Variants in DPEP1 observed in about 807,000 individuals in gnomAD.
DPEP1 encodes the protein beta-lactamase.
DPEP1 carries 50 observed loss-of-function variants against 42.3 expected under a neutral mutation model. The ratio of observed to expected loss-of-function variants is 1.18; its 90% CI spans 0.94 to 1.50. DPEP1 has a LOEUF of 1.50. Ranked by LOEUF, DPEP1 falls within the 40% of genes most tolerant of loss-of-function variation. The probability of loss-of-function intolerance (pLI) is 0.00; values close to 1 mark genes in which losing one functional copy is unlikely to be tolerated. For missense variants in DPEP1, 663 were observed against 553.0 expected, an observed-to-expected ratio of 1.20 and a Z score of -1.99; for synonymous variants, 297 against 234.0, an observed-to-expected ratio of 1.27 and a Z score of -2.46.
Position 89,614,370 on chromosome 16 carries a change from G to A in DPEP1, c.-107+651G>A, listed in dbSNP as rs545982835. On this transcript the variant is annotated intron_variant, in intron 1 of 10. Coordinates refer to ENST00000690203, the MANE Select transcript of DPEP1 (RefSeq NM_001389466.1). The stretch of plus-strand genomic sequence containing the variant: ...AGTTCTCAGAGGCTGTGTGAGGAGC[G>A]CCGAGTCCCCGGACTTACTCTCTGT... 4.6e-5 allele frequency among the ~76,000 whole-genome samples: 7 copies of A among 152,292 alleles called. No homozygotes were observed. In the East Asian group the frequency reaches 7.7e-4, roughly 17 times the overall value.
At chr16:89,623,885 A>G (rs1301347147) in intron 1 of DPEP1, among the ~76,000 whole-genome samples, 1 of 152,026 alleles carries the variant, frequency 6.6e-6, no homozygotes, top group African/African-American at 2.4e-5. Context: ...AGGGAGTGAA[A>G]AAGCCTCACA....
intron 1 of DPEP1, among the ~76,000 whole-genome samples, chr16:89,625,010 C>G (rs761483099): frequency 4.6e-5 from 7 of 151,776 alleles, no homozygotes; most frequent in South Asian, 2.1e-4. Context: ...GGGGGCTGTA[C>G]GAGAGCAGCC....
Position 89,638,064 on chromosome 16 carries a change from ACACAGGCTCCCGAGGAGGAGCC to A in DPEP1, c.1081_1102del (p.Gln361SerfsTer109), listed in dbSNP as rs1196411610. On this transcript the variant is annotated frameshift_variant, in exon 11 of 11. Transcript: ENST00000690203. LOFTEE classifies it low-confidence loss of function (END_TRUNC). Reference sequence around the variant, plus strand: ...TGTCTGTCCCCAGGCCAGCAACCTCACACAGGCTCCCGAGGAGGAGCCCATCCCGCTGGACCAGCTGGGTGGC... The same window carrying A: ...TGTCTGTCCCCAGGCCAGCAACCTCACATCCCGCTGGACCAGCTGGGTGGC... The A allele has an allele frequency of 6.2e-7, 1 of 1,612,238 alleles. No individual in the cohort carries two copies. The highest frequency in any genetic ancestry group is 8.5e-7 in the Non-Finnish European group (1 of 1,179,798).
chr16:89,626,691 C>CT (rs1555630401), intron 1 of DPEP1, among the ~76,000 whole-genome samples: 1 of 151,766 alleles, frequency 6.6e-6, no homozygotes, highest in Non-Finnish European at 1.5e-5. Flanking sequence ...CAGTCCCCCC[C>CT]TCAAACTCTC....
intron 4 of DPEP1, 65 bp from the exon 5 acceptor site, chr16:89,636,468 G>T: frequency 6.3e-7 from 1 of 1,596,614 alleles, no homozygotes; most frequent in Non-Finnish European, 8.5e-7. Flanking sequence ...AGCAGGTGCC[G>T]GTCAGGACAC....
At chr16:89,620,784 T>TCGGGGAG (rs746518619) in intron 1 of DPEP1, 13 of 151,984 alleles carry the variant, frequency 8.6e-5, no homozygotes, top group African/African-American at 2.9e-4. Context: ...ATGGTGAGTC[T>TCGGGGAG]CGGGGAGCGG....
At chr16:89,632,621 T>C (rs939487162) in intron 2 of DPEP1, among the ~76,000 whole-genome samples, 4 of 152,100 alleles carry the variant, frequency 2.6e-5, no homozygotes, top group African/African-American at 7.2e-5. Flanking sequence ...ATATCCCAGC[T>C]AAGGGCATTG....
intron 1 of DPEP1, among the ~76,000 whole-genome samples, chr16:89,628,400 G>A (rs1428065743): frequency 1.3e-5 from 2 of 151,154 alleles, no homozygotes; most frequent in African/African-American, 4.9e-5. Flanking sequence ...TGGGATTACA[G>A]GCATGCACCA....
chr16:89,633,797 G>GGAGCTGTCCTCAAGGAAAGCACC (rs1212413818), intron 2 of DPEP1, among the ~76,000 whole-genome samples: 277 of 151,448 alleles, frequency 1.8e-3, no homozygotes, highest in Middle Eastern at 3.4e-3. Context: ...GAGGCACAGG[G>GGAGCTGTCCTCAAGGAAAGCACC]ATGGGTCTGG....
At chr16:89,625,400 T>C (rs912443090) in intron 1 of DPEP1, among the ~76,000 whole-genome samples, 1 of 152,150 alleles carries the variant, frequency 6.6e-6, no homozygotes, top group African/African-American at 2.4e-5. Flanking sequence ...CCTCCAGAAC[T>C]GCACCAAGCC....
chr16:89,619,060 CTG>C, intron 1 of DPEP1, among the ~76,000 whole-genome samples: 1 of 2,794 alleles, frequency 3.6e-4, no homozygotes, highest in Non-Finnish European at 6.5e-4. Context: ...CTGCAGCCCC[CTG>C]CCCCCCCTGC....
chr16:89,628,505 G>A (rs976590717), intron 1 of DPEP1, among the ~76,000 whole-genome samples: 5 of 151,818 alleles, frequency 3.3e-5, no homozygotes, highest in African/African-American at 7.3e-5. Flanking sequence ...TGATCCGCCC[G>A]CCTCAGCCTC....
rs764980557 is a variant in DPEP1, at chr16:89,630,441, G to T, written c.31G>T (p.Val11Leu). 1.2e-6 allele frequency: 2 copies of T among 1,611,684 alleles called. No homozygotes were observed. Among genetic ancestry groups the T allele is most frequent in the South Asian group, 1.1e-5 (1 of 90,878 alleles). ...GAGCGGATGGTGGCTGTGGCCCCTT[G>T]TGGCCGTCTGCACTGCAGACTTCTT... The part of the protein sequence containing the change: MWSGWWLWPL[V>L]AVCTADFFRD... Residue 11 changes from valine (V) to leucine (L), a missense_variant, in exon 2 of 11, where the codon GTG becomes TTG. By Grantham distance (32) the Val-to-Leu change is conservative. Transcript: ENST00000690203.
intron 1 of DPEP1, among the ~76,000 whole-genome samples, chr16:89,621,630 G>A (rs1365620248): frequency 6.6e-6 from 1 of 152,216 alleles, no homozygotes; most frequent in Admixed American, 6.5e-5. Flanking sequence ...GGTCAGATGG[G>A]CCCCACGCTG....
At chr16:89,624,135 C>T (rs74033807) in intron 1 of DPEP1, among the ~76,000 whole-genome samples, 2,026 of 152,228 alleles carry the variant, frequency 0.013, 38 homozygotes, top group African/African-American at 0.044. Context: ...CCTGCCGACC[C>T]GCTGCTAGGG....
chr16:89,632,151 G>A (rs982170612), intron 2 of DPEP1, among the ~76,000 whole-genome samples: 41 of 152,120 alleles, frequency 2.7e-4, no homozygotes, highest in Non-Finnish European at 4.9e-4. Context: ...CTGGATTTAA[G>A]CAATTCTCCT....
intron 1 of DPEP1, among the ~76,000 whole-genome samples, chr16:89,618,686 C>G (rs943925286): frequency 6.6e-6 from 1 of 151,980 alleles, no homozygotes; most frequent in African/African-American, 2.4e-5. Flanking sequence ...TCTGTAGAGA[C>G]GAGGTCTCCT....
Position 89,636,524 on chromosome 16 carries a change from TC to T in DPEP1, c.371-5del, listed in dbSNP as rs1296910721. ...TGCCCACTCCCCTGCACCCTGACTC[TC>T]CCCGCAGGCATTCGGCAGGCCTTCC... is the stretch of plus-strand genomic sequence containing the variant. On this transcript the variant is annotated splice_region_variant and splice_polypyrimidine_tract_variant and intron_variant, in intron 4 of 10. Coordinates refer to ENST00000690203, the MANE Select transcript of DPEP1 (RefSeq NM_001389466.1). The T allele has an allele frequency of 6.2e-7, 1 of 1,611,274 alleles. No homozygotes were observed. The highest frequency in any genetic ancestry group is 8.5e-7 in the Non-Finnish European group (1 of 1,179,208).
intron 2 of DPEP1, among the ~76,000 whole-genome samples, chr16:89,631,465 G>C (rs1043953194): frequency 6.6e-6 from 1 of 152,228 alleles, no homozygotes; most frequent in African/African-American, 2.4e-5. Flanking sequence ...TCCGCCCTGT[G>C]TCTGGCATGG....
Sources: allele counts gnomAD v4.1 joint callset (sites outside exome capture counted in the v4.1 genomes callset), GRCh38; gene constraint gnomAD v4.1.1; transcripts MANE v1.5; gene names NCBI Gene and HGNC (gene_info 2026-07-23, HGNC 2026-07-21).